The following ALK variants were observed in gnomAD, a reference collection of about 807,000 sequenced individuals.
The protein encoded by ALK is ALK receptor tyrosine kinase, also known as ALK tyrosine kinase receptor.
Under a neutral mutation model 163.1 loss-of-function variants are expected in ALK, and 74 were observed. The ratio of observed to expected loss-of-function variants is 0.45; its 90% confidence interval spans 0.38 to 0.55. The LOEUF is 0.55. Ranked by LOEUF, ALK falls within the 20% of genes least tolerant of loss-of-function variation. The pLI is 0.00. For missense variants in ALK, 2,063 were observed against 2,105.3 expected (o/e 0.98, Z 0.39); for synonymous variants, 960 against 843.2 (o/e 1.14, Z -2.40).
chr2:29,347,836 T>C (rs1395779398), intron 5 of ALK, among the ~76,000 whole-genome samples: 1 of 152,230 alleles, frequency 6.6e-6, no homozygotes, highest in East Asian at 1.9e-4. Context: ...TCTAAGAAAG[T>C]AGTTCTCAAA....
chr2:29,847,477 A>G (rs1665877455), intron 1 of ALK, among the ~76,000 whole-genome samples: 1 of 152,206 alleles, frequency 6.6e-6, no homozygotes, highest in African/African-American at 2.4e-5. Flanking sequence ...CCCCGTGATG[A>G]CAGCGTTGTG....
chr2:29,415,500 A>G (rs530838638), intron 4 of ALK, among the ~76,000 whole-genome samples: 30 of 152,276 alleles, frequency 2.0e-4, no homozygotes, highest in African/African-American at 7.0e-4. Context: ...CATAAGATGG[A>G]GACCGTGAGC....
intron 4 of ALK, among the ~76,000 whole-genome samples, chr2:29,519,886 G>C (rs1331562467): frequency 6.6e-6 from 1 of 152,172 alleles, no homozygotes; most frequent in Admixed American, 6.5e-5. Flanking sequence ...ATCATGGAGG[G>C]AATATTTAGG....
chr2:29,914,689 T>A (rs968139643), intron 1 of ALK, among the ~76,000 whole-genome samples: 4 of 152,248 alleles, frequency 2.6e-5, no homozygotes, highest in African/African-American at 9.6e-5. Context: ...GCCTCAATGA[T>A]TTCAAGGAAT....
Position 29,656,212 on chromosome 2 carries a change from C to T in ALK, c.952+38638G>A, listed in dbSNP as rs551691961. On this transcript the variant is annotated intron_variant, in intron 3 of 28. Coordinates refer to ENST00000389048, the MANE Select transcript of ALK (RefSeq NM_004304.5). ...CTTCATTAACCCCACCCCCAACACA[C>T]ATACTAAGTTCTTAAAGACAAAAGT... 3.3e-5 allele frequency among the ~76,000 whole-genome samples: 5 copies of T among 152,226 alleles called. No homozygotes were observed. In the South Asian group the frequency reaches 6.2e-4, roughly 19 times the overall value.
intron 1 of ALK, among the ~76,000 whole-genome samples, chr2:29,819,278 A>G (rs1031642311): frequency 5.5e-4 from 84 of 152,204 alleles, no homozygotes; most frequent in Admixed American, 7.9e-4. Context: ...TGTGTAAAGC[A>G]CTAAGAATGC....
intron 5 of ALK, among the ~76,000 whole-genome samples, chr2:29,365,612 G>A (rs1219348883): frequency 6.6e-6 from 1 of 152,216 alleles, no homozygotes; most frequent in Non-Finnish European, 1.5e-5. Context: ...TCTTTTGCCA[G>A]GAGATAATTT....
At chr2:29,500,493 A>G (rs1162763303) in intron 4 of ALK, among the ~76,000 whole-genome samples, 1 of 152,120 alleles carries the variant, frequency 6.6e-6, no homozygotes, top group African/African-American at 2.4e-5. Flanking sequence ...TCTTTCCTTT[A>G]TAAATTACCT....
intron 11 of ALK, among the ~76,000 whole-genome samples, chr2:29,251,880 C>T (rs1378774924): frequency 6.6e-6 from 1 of 152,240 alleles, no homozygotes; most frequent in African/African-American, 2.4e-5. Context: ...AAGCCCTGCA[C>T]TCCCTGGCCA....
intron 1 of ALK, among the ~76,000 whole-genome samples, chr2:29,857,088 AC>A (rs1342622104): frequency 1.3e-5 from 2 of 152,296 alleles, no homozygotes; most frequent in African/African-American, 4.8e-5. Flanking sequence ...TGGAGTTAGA[AC>A]TGGGCTCGAA....
intron 3 of ALK, among the ~76,000 whole-genome samples, chr2:29,678,245 A>G (rs1050301411): frequency 6.6e-6 from 1 of 151,930 alleles, no homozygotes; most frequent in African/African-American, 2.4e-5. Context: ...TTCTTTTCAA[A>G]TAACAAATTT....
chr2:29,251,102 C>T lies in ALK; in HGVS notation c.2204+3G>A. The T allele has an allele frequency of 3.1e-6, 5 of 1,613,892 alleles. No individual in the cohort carries two copies. Among genetic ancestry groups the T allele is most frequent in the African/African-American group, 1.3e-5 (1 of 75,042 alleles). On this transcript the variant is annotated splice_donor_region_variant and intron_variant, in intron 12 of 28. Transcript: ENST00000389048. ...CCCTCCCCTCCCCCTCTTCCATACG[C>T]ACCTGTAGGTGTCGGTGGCTGGCAC...
chr2:29,845,905 T>C (rs993426779), intron 1 of ALK, among the ~76,000 whole-genome samples: 8 of 152,234 alleles, frequency 5.3e-5, no homozygotes, highest in Non-Finnish European at 1.0e-4. Flanking sequence ...CTCCAGTTCA[T>C]GCCAGGGTTC....
At chr2:29,679,215 C>T (rs1677986624) in intron 3 of ALK, among the ~76,000 whole-genome samples, 1 of 151,818 alleles carries the variant, frequency 6.6e-6, no homozygotes, top group Non-Finnish European at 1.5e-5. Flanking sequence ...TATCTCTTTT[C>T]CAATCCTTTT....
chr2:29,921,466 G>A lies in ALK; in HGVS notation c.-807C>T, dbSNP rs1414245047. The A allele has an allele frequency of 8.6e-6, 2 of 232,062 alleles. No homozygotes were observed. Among genetic ancestry groups the A allele is most frequent in the Non-Finnish European group, 1.7e-5 (2 of 117,282 alleles). 14.4% of individuals were successfully genotyped at this position (232,062 alleles called of 1,614,324 possible). On this transcript the variant is annotated 5_prime_UTR_variant, in exon 1 of 29. Transcript: ENST00000389048. ...ACCCATCATCAGCGCCCGCGGCTTT[G>A]GGTGGCCGACCAGAGGGCGGCCGGA...
At chr2:29,523,221 T>C (rs1672861806) in intron 4 of ALK, among the ~76,000 whole-genome samples, 2 of 152,288 alleles carry the variant, frequency 1.3e-5, no homozygotes, top group South Asian at 4.1e-4. Flanking sequence ...GTGTGGAATG[T>C]CTTCCTCTCA....
At position 29,434,636 on chromosome 2, in the gene ALK, A is replaced by G. The variant is rs573714300; in HGVS notation, c.1155-50777T>C. ...GTAATAACAATGGTTTGGTCTTTAG[A>G]GTTTGAGGAGTACTGACAATCTACA... On this transcript the variant is annotated intron_variant, in intron 4 of 28. Transcript: ENST00000389048. Among the ~76,000 whole-genome samples, 3 of 152,330 alleles carry G rather than the reference A, an allele frequency of 2.0e-5. No individual in the cohort carries two copies. The South Asian group carries it at 6.2e-4, about 32-fold the overall frequency.
chr2:29,609,085 G>A (rs978663762), intron 3 of ALK, among the ~76,000 whole-genome samples: 2 of 152,014 alleles, frequency 1.3e-5, no homozygotes, highest in African/African-American at 4.8e-5. Flanking sequence ...CACCATGCCT[G>A]GCTAAGTTTT....
intron 1 of ALK, among the ~76,000 whole-genome samples, chr2:29,790,443 T>C (rs1193936421): frequency 1.3e-5 from 2 of 152,202 alleles, no homozygotes; most frequent in Non-Finnish European, 2.9e-5. Flanking sequence ...ACACACATTC[T>C]TGTGGACCTA....
Sources: gnomAD v4.1 joint callset for allele counts (sites outside exome capture counted in the v4.1 genomes callset) on GRCh38, gnomAD v4.1.1 for gene constraint, MANE v1.5 for transcripts, NCBI Gene and HGNC (gene_info 2026-07-23, HGNC 2026-07-21) for gene names.